The following NEK5 variants were observed in gnomAD, a reference collection of about 807,000 sequenced individuals.
The protein encoded by NEK5 is serine/threonine-protein kinase Nek5.
NEK5 carries 88 observed loss-of-function variants against 109.2 expected under a neutral mutation model. The ratio of observed to expected loss-of-function variants is 0.81; its 90% CI spans 0.68 to 0.96. The LOEUF is 0.96. Ranked by LOEUF, NEK5 falls within the 40% of genes least tolerant of loss-of-function variation. NEK5 has a pLI of 0.00. For synonymous variants in NEK5, 283 were observed against 299.9 expected (o/e 0.94, Z 0.58); for missense variants, 834 against 920.7 (o/e 0.91, Z 1.22).
chr13:52,070,144 G>A (rs1216434436), intron 20 of NEK5, among the ~76,000 whole-genome samples: 1 of 152,162 alleles, frequency 6.6e-6, no homozygotes, highest in Non-Finnish European at 1.5e-5. Context: ...TGTAAATGCT[G>A]TAGGAGAAAA....
chr13:52,101,640 A>G (rs1280369078), intron 11 of NEK5, among the ~76,000 whole-genome samples: 1 of 152,100 alleles, frequency 6.6e-6, no homozygotes, highest in Non-Finnish European at 1.5e-5. Context: ...TTCACTACAC[A>G]AAAGTTAAGT....
intron 22 of NEK5, among the ~76,000 whole-genome samples, chr13:52,055,799 G>A (rs1020248799): frequency 1.3e-4 from 19 of 151,798 alleles, no homozygotes; most frequent in East Asian, 5.8e-4. Context: ...TGAAGGAAGC[G>A]CTAAACATGG....
chr13:52,127,342 A>G, intron 3 of NEK5, 24 bp downstream of exon 3: 3 of 1,153,652 alleles, frequency 2.6e-6, no homozygotes, highest in Non-Finnish European at 3.8e-6. Context: ...CTGAAAATTA[A>G]CAGAAATTTG....
intron 12 of NEK5, among the ~76,000 whole-genome samples, chr13:52,095,215 G>A (rs778862469): frequency 1.1e-4 from 16 of 152,098 alleles, no homozygotes; most frequent in Non-Finnish European, 1.5e-4. Context: ...GATTATAGGC[G>A]TGAGCCACTG....
chr13:52,102,927 G>C (rs892589749), intron 9 of NEK5, among the ~76,000 whole-genome samples: 2 of 152,052 alleles, frequency 1.3e-5, no homozygotes, highest in Non-Finnish European at 2.9e-5. Flanking sequence ...CCACTCAGAG[G>C]TATAGCTCCT....
intron 20 of NEK5, among the ~76,000 whole-genome samples, 194 bp downstream of exon 20, chr13:52,071,750 G>A (rs961374625): frequency 6.6e-6 from 1 of 152,204 alleles, no homozygotes; most frequent in South Asian, 2.1e-4. Flanking sequence ...GAGCAGGAGA[G>A]GAGGGCTGGA....
intron 20 of NEK5, among the ~76,000 whole-genome samples, chr13:52,067,586 C>G (rs879743168): frequency 1.3e-5 from 2 of 151,858 alleles, no homozygotes; most frequent in African/African-American, 2.4e-5. Flanking sequence ...TTGGGGCATA[C>G]TTTGGACTGT....
At chr13:52,125,167 A>G (rs754911477) in intron 3 of NEK5, among the ~76,000 whole-genome samples, 3 of 152,194 alleles carry the variant, frequency 2.0e-5, no homozygotes, top group Non-Finnish European at 4.4e-5. Context: ...GGTCTCAATG[A>G]TCGTCATCCT....
intron 14 of NEK5, among the ~76,000 whole-genome samples, chr13:52,088,744 C>T (rs1465397879): frequency 6.6e-6 from 1 of 152,066 alleles, no homozygotes; most frequent in Non-Finnish European, 1.5e-5. Flanking sequence ...AGAAACCGGA[C>T]TGCTAAGACT....
intron 4 of NEK5, among the ~76,000 whole-genome samples, chr13:52,115,158 C>T (rs1052188679): frequency 2.6e-5 from 4 of 151,848 alleles, no homozygotes; most frequent in African/African-American, 9.7e-5. Context: ...GGACTACAGG[C>T]GCCCGCCACC....
At position 52,099,814 on chromosome 13, in the gene NEK5, G is replaced by T; in HGVS notation, c.955C>A (p.Pro319Thr). ...TGCAATATAGCATTCCTTTTAATTG[G>T]CACAGATATCCTTGATCTTGGTGGG... ...KCPPRSRISV[P>T]IKRNAILHRN... Residue 319 changes from proline (P) to threonine (T), a missense_variant, in exon 12 of 24, where the codon CCA (proline) becomes ACA (threonine). Physicochemically the swap from Pro to Thr is conservative, Grantham distance 38. Transcript: ENST00000684899. The T allele has an allele frequency of 6.2e-7, 1 of 1,613,302 alleles. No homozygotes were observed. Among genetic ancestry groups the T allele is most frequent in the Non-Finnish European group, 8.5e-7 (1 of 1,179,426 alleles).
intron 4 of NEK5, among the ~76,000 whole-genome samples, chr13:52,118,720 A>ATGGTGCG (rs1338827703): frequency 6.6e-6 from 1 of 152,096 alleles, no homozygotes; most frequent in Non-Finnish European, 1.5e-5. Context: ...GTGCTAGGCT[A>ATGGTGCG]TGGTGCGTGG....
Position 52,127,364 on chromosome 13 carries a change from A to G in NEK5, c.117+2T>C. 6.9e-7 allele frequency: 1 copy of G among 1,459,544 alleles called. No individual in the cohort carries two copies. Among genetic ancestry groups the G allele is most frequent in the Non-Finnish European group, 9.6e-7 (1 of 1,040,842 alleles). The allele number at this position is 1,459,544 out of a possible 1,614,324, so 90.4% of individuals were successfully genotyped here. A position where few individuals can be genotyped will look rare whatever the true frequency, so the allele number is the denominator to read the frequency against. On this transcript the variant is annotated splice_donor_variant, in intron 3 of 23. Transcript: ENST00000684899. LOFTEE classifies it high-confidence loss of function. Reference sequence around the variant, plus strand: ...TTAACAGAAATTTGAACTTAACTTTACCTTTTCAAAATTGATCTCTTTTAT... The same window carrying G: ...TTAACAGAAATTTGAACTTAACTTTGCCTTTTCAAAATTGATCTCTTTTAT...
chr13:52,126,790 G>C (rs1212123782), intron 3 of NEK5, among the ~76,000 whole-genome samples: 2 of 152,042 alleles, frequency 1.3e-5, no homozygotes, highest in South Asian at 2.1e-4. Context: ...AAAAAGAAAA[G>C]AAAAGAAAAC....
chr13:52,059,504 C>T (rs1454705521), intron 22 of NEK5, among the ~76,000 whole-genome samples: 3 of 144,716 alleles, frequency 2.1e-5, no homozygotes, highest in Non-Finnish European at 3.0e-5. Context: ...CAGATGCACA[C>T]GTATGTTTAT....
chr13:52,102,859 T>TA (rs765218141), intron 9 of NEK5, among the ~76,000 whole-genome samples: 6 of 152,244 alleles, frequency 3.9e-5, no homozygotes, highest in Admixed American at 3.3e-4. Context: ...TTACTCATAA[T>TA]AAAAAAACTG....
chr13:52,095,666 T>A (rs1204913071), intron 12 of NEK5, among the ~76,000 whole-genome samples: 1 of 152,194 alleles, frequency 6.6e-6, no homozygotes, highest in Non-Finnish European at 1.5e-5. Flanking sequence ...GGCGGGCATA[T>A]CACTAGAGCC....
chr13:52,069,083 T>C (rs1009175378), intron 20 of NEK5, among the ~76,000 whole-genome samples: 1 of 151,946 alleles, frequency 6.6e-6, no homozygotes, highest in Non-Finnish European at 1.5e-5. Flanking sequence ...CAGATTAAAA[T>C]GAGAGACAAT....
At chr13:52,092,060 A>T (rs1955295239) in intron 13 of NEK5, among the ~76,000 whole-genome samples, 1 of 152,206 alleles carries the variant, frequency 6.6e-6, no homozygotes, top group African/African-American at 2.4e-5. Flanking sequence ...AGGAAGAAAG[A>T]ATATTAAAAG....
Sources: gnomAD v4.1 joint callset for allele counts (sites outside exome capture counted in the v4.1 genomes callset) on GRCh38, gnomAD v4.1.1 for gene constraint, MANE v1.5 for transcripts, NCBI Gene and HGNC (gene_info 2026-07-23, HGNC 2026-07-21) for gene names.